ZBTB46: variants seen among roughly 807,000 people sequenced by gnomAD.
The protein encoded by ZBTB46 is zinc finger and BTB domain containing 46, also known as zinc finger and BTB domain-containing protein 46.
In ZBTB46, 8 loss-of-function variants were observed where a neutral mutation model predicts 44.1. The ratio of observed to expected loss-of-function variants is 0.18; its 90% CI spans 0.11 to 0.33. ZBTB46 has a LOEUF of 0.33. Among genes scored for constraint, ZBTB46 ranks in the 10% least tolerant of loss-of-function variants. ZBTB46 has a pLI of 1.00. For missense variants in ZBTB46, 651 were observed against 847.7 expected (o/e 0.77, Z 2.88); for synonymous variants, 409 against 382.3 (o/e 1.07, Z -0.81).
At chr20:63,795,572 G>C (rs1002632290) in intron 1 of ZBTB46, among the ~76,000 whole-genome samples, 1 of 152,244 alleles carries the variant, frequency 6.6e-6, no homozygotes, top group Non-Finnish European at 1.5e-5. Flanking sequence ...CTAACGAACT[G>C]AGGGCCTCAA....
intron 1 of ZBTB46, among the ~76,000 whole-genome samples, chr20:63,813,956 C>G (rs1011012833): frequency 6.6e-6 from 1 of 152,096 alleles, no homozygotes; most frequent in Non-Finnish European, 1.5e-5. Flanking sequence ...TGGGAAGGGC[C>G]GGGCGCGGTG....
Position 63,789,853 on chromosome 20 carries a change from G to A in ZBTB46, c.905C>T (p.Thr302Met), listed in dbSNP as rs755620307. Reference protein sequence around the residue: ...ASSPVPSFLPTSGWPFSSRDS... With the variant: ...ASSPVPSFLPMSGWPFSSRDS... The stretch of plus-strand genomic sequence containing the variant: ...TCGGCTGCTGAACGGCCACCCCGAC[G>A]TCGGCAGGAAGGACGGCACCGGGGA... Residue 302 changes from threonine (T) to methionine (M), a missense_variant, in exon 2 of 5, where the codon ACG becomes ATG. By Grantham distance (81) the Thr-to-Met change is moderately conservative. Coordinates refer to ENST00000245663, the MANE Select transcript of ZBTB46 (RefSeq NM_001369741.1). 14 of 1,612,516 alleles carry A rather than the reference G, an allele frequency of 8.7e-6. No homozygotes were observed. Among genetic ancestry groups the A allele is most frequent in the Non-Finnish European group, 1.1e-5 (13 of 1,179,628 alleles).
chr20:63,783,422 C>T (rs751433760), intron 2 of ZBTB46, among the ~76,000 whole-genome samples: 4 of 152,184 alleles, frequency 2.6e-5, no homozygotes, highest in Non-Finnish European at 4.4e-5. Context: ...AGCGAGACTC[C>T]GTCTCAAAAC....
At chr20:63,804,316 G>A (rs2092667929) in intron 1 of ZBTB46, among the ~76,000 whole-genome samples, 1 of 152,182 alleles carries the variant, frequency 6.6e-6, no homozygotes, top group African/African-American at 2.4e-5. Context: ...GAGGGGGCCG[G>A]GGCAGCTGAG....
chr20:63,792,785 T>TG (rs1317383181), intron 1 of ZBTB46, among the ~76,000 whole-genome samples: 2 of 152,246 alleles, frequency 1.3e-5, no homozygotes, highest in African/African-American at 4.8e-5. Context: ...CTCAAAGTGC[T>TG]GGGATTACAG....
At chr20:63,757,594 G>A (rs989665152) in intron 3 of ZBTB46, among the ~76,000 whole-genome samples, 2 of 152,150 alleles carry the variant, frequency 1.3e-5, no homozygotes, top group African/African-American at 2.4e-5. Context: ...AGCACTAGAA[G>A]CCTTGATGTC....
intron 1 of ZBTB46, among the ~76,000 whole-genome samples, chr20:63,820,933 C>T (rs1600723644): frequency 6.6e-6 from 1 of 151,714 alleles, no homozygotes; most frequent in African/African-American, 2.4e-5. Context: ...GCTCTTGTTG[C>T]CCAGGCTAGA....
chr20:63,767,856 GGAA>G lies in ZBTB46; in HGVS notation c.1222+7819_1222+7821del, dbSNP rs2092333715. ...GGGCAAGTCCATCCAGGCCTGGGCTGGAAGAAGACTCCTCAGGCATCCTGGACA... is the reference window on the plus strand; with the variant it reads ...GGGCAAGTCCATCCAGGCCTGGGCTGGAAGACTCCTCAGGCATCCTGGACA... On this transcript the variant is annotated intron_variant, in intron 3 of 4. Transcript: ENST00000245663. The surrounding 1 kb of genome is among the most constrained non-coding windows in gnomAD (Gnocchi z 5.0). 3.1e-6 allele frequency: 3 copies of G among 983,422 alleles called. No individual in the cohort carries two copies. Among genetic ancestry groups the G allele is most frequent in the East Asian group, 1.1e-4 (1 of 8,812 alleles). 60.9% of individuals were successfully genotyped at this position (983,422 alleles called of 1,614,324 possible).
At chr20:63,817,059 C>T (rs1033938448) in intron 1 of ZBTB46, among the ~76,000 whole-genome samples, 6 of 151,590 alleles carry the variant, frequency 4.0e-5, no homozygotes, top group African/African-American at 7.3e-5. Context: ...GAGCCAAGAT[C>T]GCGCCACTGC....
chr20:63,830,623 C>CG (rs2092844650), intron 1 of ZBTB46, among the ~76,000 whole-genome samples: 1 of 149,560 alleles, frequency 6.7e-6, no homozygotes, highest in East Asian at 2.0e-4. Flanking sequence ...GCTGTGCCGG[C>CG]GGGGGGCGCG....
intron 2 of ZBTB46, among the ~76,000 whole-genome samples, chr20:63,782,043 C>T (rs1167089283): frequency 2.7e-5 from 4 of 146,828 alleles, no homozygotes; most frequent in Non-Finnish European, 4.5e-5. Flanking sequence ...GCCGAGATGG[C>T]GCCACTGCAC....
At chr20:63,777,324 G>C (rs1428024926) in intron 2 of ZBTB46, among the ~76,000 whole-genome samples, 1 of 152,166 alleles carries the variant, frequency 6.6e-6, no homozygotes, top group Non-Finnish European at 1.5e-5. Flanking sequence ...AAAATTAGCT[G>C]AGTGTGGTGG....
intron 1 of ZBTB46, among the ~76,000 whole-genome samples, chr20:63,812,228 G>A (rs2092721438): frequency 6.6e-6 from 1 of 152,226 alleles, no homozygotes; most frequent in South Asian, 2.1e-4. Context: ...TTTTTCACAA[G>A]GCCAGGCAAG....
At chr20:63,766,770 T>A (rs578126850) in intron 3 of ZBTB46, among the ~76,000 whole-genome samples, 1 of 152,222 alleles carries the variant, frequency 6.6e-6, no homozygotes, top group East Asian at 1.9e-4. Context: ...AACATAAAGA[T>A]TTGAGGAACC....
intron 3 of ZBTB46, among the ~76,000 whole-genome samples, chr20:63,762,279 A>G (rs932298420): frequency 3.3e-5 from 5 of 152,170 alleles, no homozygotes; most frequent in Non-Finnish European, 7.3e-5. Flanking sequence ...AATTACTGAG[A>G]TAAGTGTTTT....
At position 63,744,526 on chromosome 20, in the gene ZBTB46, C is replaced by T. The variant is rs1239835355; in HGVS notation, c.*2404G>A. The T allele has an allele frequency of 6.6e-6, 1 of 152,218 alleles. No individual in the cohort carries two copies. Among genetic ancestry groups the T allele is most frequent in the African/African-American group, 2.4e-5 (1 of 41,414 alleles). The allele number at this position is 152,218 out of a possible 1,614,324, so 9.4% of individuals were successfully genotyped here. A position where few individuals can be genotyped will look rare whatever the true frequency, so the allele number is the denominator to read the frequency against. On this transcript the variant is annotated 3_prime_UTR_variant, in exon 5 of 5. Transcript: ENST00000245663. ...GTGAAATGTAATCTACACATTTTTC[C>T]TCTTCATAAAAAAATATTTATTAGT... is the stretch of plus-strand genomic sequence containing the variant.
At chr20:63,800,620 C>A (rs11906513) in intron 1 of ZBTB46, among the ~76,000 whole-genome samples, 27,421 of 152,226 alleles carry the variant, frequency 0.18, 3,015 homozygotes, top group East Asian at 0.45. Flanking sequence ...AGCTAGAGTT[C>A]CGGGTGGGTG....
chr20:63,747,495 A>AGGGGGTGAGCAGGGCCT (rs2092112471), intron 4 of ZBTB46, among the ~76,000 whole-genome samples, 194 bp from the exon 5 acceptor site: 1 of 15,058 alleles, frequency 6.6e-5, no homozygotes, highest in Non-Finnish European at 1.3e-4. Context: ...GGCCCGGTGG[A>AGGGGGTGAGCAGGGCCT]GGTTGGGAGG....
At position 63,747,065 on chromosome 20, in the gene ZBTB46, C is replaced by T. The variant is rs74552928; in HGVS notation, c.1635G>A (p.Ala545=). ...CCTCGTCGTCCTCGCCCAGCTCCTC[C>T]GCCTCCCCTCGTGGGTCCTCAGGGT... is the stretch of plus-strand genomic sequence containing the variant. ...LEDPEDPRGE[A]EELGEDDEGL... is the part of the protein sequence containing the mutation. Residue 545 remains alanine, a synonymous_variant, in exon 5 of 5, where the codon GCG becomes GCA. Transcript: ENST00000245663. The T allele has an allele frequency of 0.099, 159,058 of 1,608,764 alleles. 8,751 individuals are homozygous for T. The highest frequency in any genetic ancestry group is 0.15 in the Middle Eastern group (939 of 6,060).
Sources: allele counts gnomAD v4.1 joint callset (sites outside exome capture counted in the v4.1 genomes callset), GRCh38; gene constraint gnomAD v4.1.1; non-coding constraint Gnocchi (gnomAD v3.1); transcripts MANE v1.5; gene names NCBI Gene and HGNC (gene_info 2026-07-23, HGNC 2026-07-21).